The following C17orf113 variants were observed in gnomAD, a reference collection of about 807,000 sequenced individuals.
C17orf113 encodes uncharacterized protein C17orf113.
A neutral mutation model predicts 11.6 loss-of-function variants in C17orf113; 5 were observed. The ratio of observed to expected loss-of-function variants is 0.43; its 90% CI spans 0.23 to 0.91. C17orf113 has a LOEUF of 0.91. Among genes scored for constraint, C17orf113 ranks in the 40% least tolerant of loss-of-function variants. The pLI is 0.26. For missense variants in C17orf113, 714 were observed against 841.3 expected, an observed-to-expected ratio of 0.85 and a Z score of 1.87; for synonymous variants, 327 against 390.6, an observed-to-expected ratio of 0.84 and a Z score of 1.92.
intron 1 of C17orf113, among the ~76,000 whole-genome samples, chr17:42,044,754 T>C (rs2053114462): frequency 6.6e-6 from 1 of 152,162 alleles, no homozygotes; most frequent in Non-Finnish European, 1.5e-5. Flanking sequence ...ATTGGTACTG[T>C]GGTTCTGGGA....
chr17:42,040,652 C>G lies in C17orf113; in HGVS notation c.1081G>C (p.Val361Leu), dbSNP rs547906067. ...PVPWASLLPV[V>L]EAVAEAWPGL... ...GGCCAGGCCTCGGCCACTGCTTCCA[C>G]TACAGGCAGCAGGGAGGCCCAGGGC... Residue 361 changes from valine to leucine, a missense_variant, in exon 3 of 3, where the codon GTG becomes CTG. By Grantham distance (32) the Val-to-Leu change is conservative. Coordinates refer to ENST00000587304, the MANE Select transcript of C17orf113 (RefSeq NM_001358661.2). 565 of 1,232,306 alleles carry G rather than the reference C, an allele frequency of 4.6e-4. No homozygotes were observed. The highest frequency in any genetic ancestry group is 3.4e-4 in the Non-Finnish European group (333 of 988,088). 76.3% of individuals were successfully genotyped at this position (1,232,306 alleles called of 1,614,324 possible).
At chr17:42,041,648 C>T (rs2053024968) in intron 2 of C17orf113, among the ~76,000 whole-genome samples, 4 of 152,138 alleles carry the variant, frequency 2.6e-5, no homozygotes, top group South Asian at 4.1e-4. Context: ...GGGTCTCCCT[C>T]CACTGTCCAG....
Position 42,039,289 on chromosome 17 carries a change from G to GCCAAGGA in C17orf113, c.*409_*415dup, listed in dbSNP as rs1295731965. 7 of 175,020 alleles carry GCCAAGGA rather than the reference G, an allele frequency of 4.0e-5. No homozygotes were observed. Among genetic ancestry groups the GCCAAGGA allele is most frequent in the Non-Finnish European group, 4.8e-5 (4 of 83,962 alleles). 10.8% of individuals were successfully genotyped at this position (175,020 alleles called of 1,614,324 possible). On this transcript the variant is annotated 3_prime_UTR_variant, in exon 3 of 3. Transcript: ENST00000587304. ...AAAAGAAAAGAAAAAGAAAGAAACA[G>GCCAAGGA]CCAAGGACCAAGGACCAGTGTCCGT... is the stretch of plus-strand genomic sequence containing the variant.
Position 42,042,887 on chromosome 17 carries a change from G to C in C17orf113, c.490C>G (p.Leu164Val). The change falls in exon 2 of 3, where the codon CTG becomes GTG. Residue 164 changes from leucine (L) to valine (V), a missense_variant. Transcript: ENST00000587304. ...TAGTAATCGCCATGCTCTGTGCCCA[G>C]CAGTGCCTGGCACAGGTTGAACCTC... ...LQRFNLCQAL[L>V]GTEHGDYYSP... 1 of 1,232,350 alleles carries C rather than the reference G, an allele frequency of 8.1e-7. No individual in the cohort carries two copies. Among genetic ancestry groups the C allele is most frequent in the Non-Finnish European group, 1.0e-6 (1 of 988,128 alleles). The allele number at this position is 1,232,350 out of a possible 1,614,324, so 76.3% of individuals were successfully genotyped here. A position where few individuals can be genotyped will look rare whatever the true frequency, so the allele number is the denominator to read the frequency against.
chr17:42,040,595 G>A lies in C17orf113; in HGVS notation c.1138C>T (p.Leu380Phe). The change falls in exon 3 of 3, where the codon CTT (leucine) becomes TTT (phenylalanine). Residue 380 changes from leucine to phenylalanine, a missense_variant. By Grantham distance (22) the Leu-to-Phe change is conservative. This residue lies in a region of C17orf113 where 516 missense variants were observed against 626.6 expected (regional missense o/e 0.82). Coordinates refer to ENST00000587304, the MANE Select transcript of C17orf113 (RefSeq NM_001358661.2). ...AGTGACCCCGCCACAGGTGAGGCAA[G>A]GGCTGCAGCCTCCAGGGTGGGCACC... ...GLVPTLEAAA[L>F]ASPVAGSLAL... is the part of the protein sequence containing the mutation. The A allele has an allele frequency of 2.4e-6, 3 of 1,232,496 alleles. No homozygotes were observed. The highest frequency in any genetic ancestry group is 3.0e-6 in the Non-Finnish European group (3 of 988,216). The allele number at this position is 1,232,496 out of a possible 1,614,324, so 76.3% of individuals were successfully genotyped here. A position where few individuals can be genotyped will look rare whatever the true frequency, so the allele number is the denominator to read the frequency against.
In C17orf113 at chr17:42,043,300, T is replaced by G; in HGVS notation, c.77A>C (p.His26Pro). The change falls in exon 2 of 3, where the codon CAC (histidine) becomes CCC (proline). Residue 26 changes from histidine to proline, a missense_variant. By Grantham distance (77) the His-to-Pro change is moderately conservative. This residue lies in a region of C17orf113 where 516 missense variants were observed against 626.6 expected (regional missense o/e 0.82). Coordinates refer to ENST00000587304, the MANE Select transcript of C17orf113 (RefSeq NM_001358661.2). ...NKKCKRYFNE[H>P]WKEEFTWLDF... ...CAGCCAGGTAAACTCCTCTTTCCAG[T>G]GCTCGTTGAAGTAACGCTTACACTT... 8.1e-7 allele frequency: 1 copy of G among 1,232,278 alleles called. No homozygotes were observed. The highest frequency in any genetic ancestry group is 1.0e-6 in the Non-Finnish European group (1 of 988,016). The allele number at this position is 1,232,278 out of a possible 1,614,324, so 76.3% of individuals were successfully genotyped here. A position where few individuals can be genotyped will look rare whatever the true frequency, so the allele number is the denominator to read the frequency against.
At position 42,040,666 on chromosome 17, in the gene C17orf113, G is replaced by T. The variant is rs2052996815; in HGVS notation, c.1067C>A (p.Ser356Tyr). ...LAGPRPVPWASLLPVVEAVAE... is the reference protein window; with the variant it reads ...LAGPRPVPWAYLLPVVEAVAE... ...CACTGCTTCCACTACAGGCAGCAGG[G>T]AGGCCCAGGGCACTGGCCGAGGCCC... The change falls in exon 3 of 3, where the codon TCC (serine) becomes TAC (tyrosine). Residue 356 changes from serine (S) to tyrosine (Y), a missense_variant. Around this residue, in one of 3 missense-constraint regions of C17orf113, gnomAD observed 516 missense variants for 626.6 expected, o/e 0.82. Transcript: ENST00000587304. The T allele has an allele frequency of 8.1e-7, 1 of 1,232,228 alleles. No individual in the cohort carries two copies. The highest frequency in any genetic ancestry group is 4.1e-5 in the South Asian group (1 of 24,330). 76.3% of individuals were successfully genotyped at this position (1,232,228 alleles called of 1,614,324 possible).
At position 42,040,062 on chromosome 17, in the gene C17orf113, C is replaced by T. The variant is rs1555655951; in HGVS notation, c.1671G>A (p.Ala557=). The stretch of plus-strand genomic sequence containing the variant: ...GCTTAAACAGCGCGAAGTCGCCCAG[C>T]GCCCGCTGGCGCACCACGGCAGGAG... ...GFAPAVVRQR[A]LGDFALFKRV... Residue 557 remains alanine (A), a synonymous_variant, in exon 3 of 3, where the codon GCG becomes GCA. Coordinates refer to ENST00000587304, the MANE Select transcript of C17orf113 (RefSeq NM_001358661.2). 7 of 1,231,064 alleles carry T rather than the reference C, an allele frequency of 5.7e-6. No homozygotes were observed. The highest frequency in any genetic ancestry group is 1.6e-5 in the African/African-American group (1 of 64,416). 76.3% of individuals were successfully genotyped at this position (1,231,064 alleles called of 1,614,324 possible).
Position 42,039,766 on chromosome 17 carries a change from AACCCG to A in C17orf113, c.1962_1966del (p.Leu656CysfsTer49). On this transcript the variant is annotated frameshift_variant, in exon 3 of 3. Transcript: ENST00000587304. LOFTEE classifies it high-confidence loss of function. ...CCCACTCTCTAAGAACTCCACAGCC[AACCCG>A]AAGTCAAACTCGTGCAGCGGGGGCC... The A allele has an allele frequency of 8.1e-7, 1 of 1,232,406 alleles. No individual in the cohort carries two copies. Among genetic ancestry groups the A allele is most frequent in the East Asian group, 3.2e-5 (1 of 31,716 alleles). 76.3% of individuals were successfully genotyped at this position (1,232,406 alleles called of 1,614,324 possible). A position where few individuals can be genotyped will look rare whatever the true frequency, so the allele number is the denominator to read the frequency against.
At chr17:42,046,297 T>G (rs1236910506) in intron 1 of C17orf113, among the ~76,000 whole-genome samples, 1 of 152,068 alleles carries the variant, frequency 6.6e-6, no homozygotes, top group African/African-American at 2.4e-5. Context: ...GTTGGTTGTT[T>G]AAAAGAATGA....
Position 42,043,277 on chromosome 17 carries a change from G to A in C17orf113, c.100C>T (p.Leu34=), listed in dbSNP as rs782108500. The stretch of plus-strand genomic sequence containing the variant: ...AGCTTCCGCTCATAGTCAAAGTCCA[G>A]CCAGGTAAACTCCTCTTTCCAGTGC... The part of the protein sequence containing the change: ...NEHWKEEFTW[L]DFDYERKLMF... Residue 34 remains leucine (L), a synonymous_variant, in exon 2 of 3, where the codon CTG becomes TTG. Coordinates refer to ENST00000587304, the MANE Select transcript of C17orf113 (RefSeq NM_001358661.2). 8.1e-7 allele frequency: 1 copy of A among 1,232,292 alleles called. No homozygotes were observed. The highest frequency in any genetic ancestry group is 1.0e-6 in the Non-Finnish European group (1 of 988,036). 76.3% of individuals were successfully genotyped at this position (1,232,292 alleles called of 1,614,324 possible). A position where few individuals can be genotyped will look rare whatever the true frequency, so the allele number is the denominator to read the frequency against.
Position 42,050,013 on chromosome 17 carries a change from C to T in C17orf113, c.-188+544G>A, listed in dbSNP as rs1488523080. Among the ~76,000 whole-genome samples, 2 of 152,218 alleles carry T rather than the reference C, an allele frequency of 1.3e-5. No individual in the cohort carries two copies. Among genetic ancestry groups the T allele is most frequent in the African/African-American group, 2.4e-5 (1 of 41,454 alleles). On this transcript the variant is annotated intron_variant, in intron 1 of 2. Coordinates refer to ENST00000587304, the MANE Select transcript of C17orf113 (RefSeq NM_001358661.2). This position sits in a 1 kb window ranked among gnomAD's most constrained non-coding sequence, Gnocchi z 5.6. ...ACAGGTCAAATTCCATTGACATTCTCCCCACCTCAACCTCAAGGAAACAGG... is the reference window on the plus strand; with the variant it reads ...ACAGGTCAAATTCCATTGACATTCTTCCCACCTCAACCTCAAGGAAACAGG...
intron 1 of C17orf113, among the ~76,000 whole-genome samples, chr17:42,046,753 T>TA (rs1158022730): frequency 6.6e-6 from 1 of 151,198 alleles, no homozygotes; most frequent in Non-Finnish European, 1.5e-5. Context: ...AAAGATAAAA[T>TA]AAAAATAGAA....
chr17:42,038,371 G>A lies in C17orf113; in HGVS notation c.*1334C>T. On this transcript the variant is annotated 3_prime_UTR_variant, in exon 3 of 3. Coordinates refer to ENST00000587304, the MANE Select transcript of C17orf113 (RefSeq NM_001358661.2). ...AGGATTTCATGGCCAGGGCTGACAGGAGGGAATGGGAAACCCATGGGCTCT... is the reference window on the plus strand; with the variant it reads ...AGGATTTCATGGCCAGGGCTGACAGAAGGGAATGGGAAACCCATGGGCTCT... The A allele has an allele frequency of 2.8e-6, 1 of 362,518 alleles. No individual in the cohort carries two copies. Among genetic ancestry groups the A allele is most frequent in the Non-Finnish European group, 5.0e-6 (1 of 199,426 alleles). The allele number at this position is 362,518 out of a possible 1,614,324, so 22.5% of individuals were successfully genotyped here.
Position 42,040,360 on chromosome 17 carries a change from G to A in C17orf113, c.1373C>T (p.Ala458Val). The A allele has an allele frequency of 1.6e-6, 2 of 1,231,810 alleles. No individual in the cohort carries two copies. The highest frequency in any genetic ancestry group is 2.0e-6 in the Non-Finnish European group (2 of 987,846). The allele number at this position is 1,231,810 out of a possible 1,614,324, so 76.3% of individuals were successfully genotyped here. A position where few individuals can be genotyped will look rare whatever the true frequency, so the allele number is the denominator to read the frequency against. ...ARLQGFLQEL[A>V]SMDPDASSGR... is the part of the protein sequence containing the mutation. ...GCTGCTGGCGTCAGGGTCCATGGAT[G>A]CCAGTTCCTGCAGGAAGCCCTGGAG... The change falls in exon 3 of 3, where the codon GCA becomes GTA. Residue 458 changes from alanine to valine, a missense_variant. Physicochemically the swap from Ala to Val is moderately conservative, Grantham distance 64. Coordinates refer to ENST00000587304, the MANE Select transcript of C17orf113 (RefSeq NM_001358661.2).
rs868981519 is a variant in C17orf113 at position 42,041,100 on chromosome 17, G to A, written c.633C>T (p.Asp211=). 24 of 1,232,214 alleles carry A rather than the reference G, an allele frequency of 1.9e-5. No individual in the cohort carries two copies. The African/African-American group carries it at 2.2e-4, about 11-fold the overall frequency. The allele number at this position is 1,232,214 out of a possible 1,614,324, so 76.3% of individuals were successfully genotyped here. A position where few individuals can be genotyped will look rare whatever the true frequency, so the allele number is the denominator to read the frequency against. ...YVGLVLDETR[D]WPESHSLALF... ...GGGCCAGGCTGTGTGACTCCGGCCA[G>A]TCTCTGGTCTCGTCCAACACCAGCC... The change falls in exon 3 of 3, where the codon GAC becomes GAT. Residue 211 remains aspartate (D), a synonymous_variant. Coordinates refer to ENST00000587304, the MANE Select transcript of C17orf113 (RefSeq NM_001358661.2).
Position 42,043,264 on chromosome 17 carries a change from T to C in C17orf113, c.113A>G (p.Tyr38Cys). The C allele has an allele frequency of 8.1e-7, 1 of 1,232,278 alleles. No individual in the cohort carries two copies. The highest frequency in any genetic ancestry group is 1.0e-6 in the Non-Finnish European group (1 of 988,018). 76.3% of individuals were successfully genotyped at this position (1,232,278 alleles called of 1,614,324 possible). ...KEEFTWLDFD[Y>C]ERKLMFCLEC... ...GAGGCAGAACATCAGCTTCCGCTCA[T>C]AGTCAAAGTCCAGCCAGGTAAACTC... The change falls in exon 2 of 3, where the codon TAT becomes TGT. Residue 38 changes from tyrosine (Y) to cysteine (C), a missense_variant. Transcript: ENST00000587304.
intron 1 of C17orf113, among the ~76,000 whole-genome samples, chr17:42,044,060 A>T (rs1437686891): frequency 1.3e-5 from 2 of 150,176 alleles, no homozygotes; most frequent in South Asian, 4.2e-4. Context: ...TCACTCCTAT[A>T]ATCCCAGCAC....
rs572037535 is a variant in C17orf113, at chr17:42,041,001, C to T, written c.732G>A (p.Glu244=). 2.5e-4 allele frequency: 307 copies of T among 1,232,200 alleles called. No individual in the cohort carries two copies. The highest frequency in any genetic ancestry group is 3.0e-4 in the Non-Finnish European group (298 of 988,058). 76.3% of individuals were successfully genotyped at this position (1,232,200 alleles called of 1,614,324 possible). A position where few individuals can be genotyped will look rare whatever the true frequency, so the allele number is the denominator to read the frequency against. ...TTFLGSVELQ[E]GEATAGQLLD... ...AGAGCTGGCCAGCAGTGGCCTCGCC[C>T]TCCTGTAGCTCCACACTGCCCAGGA... Residue 244 remains glutamate (E), a synonymous_variant, in exon 3 of 3, where the codon GAG becomes GAA. Transcript: ENST00000587304.
Sources: allele counts gnomAD v4.1 joint callset (sites outside exome capture counted in the v4.1 genomes callset), GRCh38; gene constraint gnomAD v4.1.1; regional missense constraint gnomAD v4.1.1; non-coding constraint Gnocchi (gnomAD v3.1); transcripts MANE v1.5; gene names NCBI Gene and HGNC (gene_info 2026-07-23, HGNC 2026-07-21).